Variants in ATRNL1 observed in about 807,000 individuals in gnomAD.
The protein encoded by ATRNL1 is attractin like 1.
Under a neutral mutation model 182.7 loss-of-function variants are expected in ATRNL1, and 95 were observed. The ratio of observed to expected loss-of-function variants is 0.52; its 90% CI spans 0.44 to 0.62. The LOEUF is 0.62. Among genes scored for constraint, ATRNL1 ranks in the 20% least tolerant of loss-of-function variants. ATRNL1 has a pLI of 0.00. For synonymous variants in ATRNL1, 576 were observed against 568.3 expected, an observed-to-expected ratio of 1.01 and a Z score of -0.19; for missense variants, 1,471 against 1,679.5, an observed-to-expected ratio of 0.88 and a Z score of 2.17.
chr10:115,221,720 A>T (rs1554897495), intron 9 of ATRNL1, among the ~76,000 whole-genome samples: 1 of 152,160 alleles, frequency 6.6e-6, no homozygotes, highest in Non-Finnish European at 1.5e-5. Context: ...TGTGCCAAGG[A>T]AGAGGAGCCT....
At chr10:115,821,959 C>T in intron 27 of ATRNL1, among the ~76,000 whole-genome samples, 1 of 152,138 alleles carries the variant, frequency 6.6e-6, no homozygotes, top group Admixed American at 6.5e-5. Context: ...CTCTCCACCC[C>T]AAATCAACAG....
chr10:115,152,926 AG>A (rs1474495172), intron 5 of ATRNL1, among the ~76,000 whole-genome samples: 13 of 152,078 alleles, frequency 8.5e-5, no homozygotes, highest in African/African-American at 3.1e-4. Flanking sequence ...TTTAGCATGA[AG>A]GGCTGTTGAA....
chr10:115,612,613 G>T (rs1022185143), intron 26 of ATRNL1, among the ~76,000 whole-genome samples: 2 of 152,188 alleles, frequency 1.3e-5, no homozygotes, highest in African/African-American at 4.8e-5. Context: ...TGTGGAGACA[G>T]TATGTCAGGC....
intron 24 of ATRNL1, among the ~76,000 whole-genome samples, chr10:115,490,109 G>T (rs745813407): frequency 2.7e-4 from 41 of 152,236 alleles, no homozygotes; most frequent in Middle Eastern, 3.4e-3. Context: ...AGTCTGATGG[G>T]CTTCCCTTTG....
At chr10:115,240,967 C>G (rs1366898979) in intron 9 of ATRNL1, among the ~76,000 whole-genome samples, 1 of 151,950 alleles carries the variant, frequency 6.6e-6, no homozygotes, top group Non-Finnish European at 1.5e-5. Context: ...ATAGACTCCA[C>G]TTAGGTAAGG....
chr10:115,643,330 T>C (rs1425590373), intron 26 of ATRNL1, among the ~76,000 whole-genome samples: 1 of 151,952 alleles, frequency 6.6e-6, no homozygotes, highest in Non-Finnish European at 1.5e-5. Flanking sequence ...AAAAATTAAC[T>C]CAAAATTGAT....
chr10:115,254,376 C>T lies in ATRNL1; in HGVS notation c.1688-10817C>T, dbSNP rs1346699258. Reference sequence around the variant, plus strand: ...CACTGTGGTTTTGATTTGTATTTCTCTGATGACCAGTGATGATGAGCATTT... The same window carrying T: ...CACTGTGGTTTTGATTTGTATTTCTTTGATGACCAGTGATGATGAGCATTT... On this transcript the variant is annotated intron_variant, in intron 10 of 28. Coordinates refer to ENST00000355044, the MANE Select transcript of ATRNL1 (RefSeq NM_207303.4). Among the ~76,000 whole-genome samples the T allele has an allele frequency of 3.3e-5, 5 of 152,348 alleles. No homozygotes were observed. In the East Asian group the frequency reaches 7.7e-4, roughly 24 times the overall value.
intron 27 of ATRNL1, among the ~76,000 whole-genome samples, chr10:115,802,032 A>ACACACACACACACACACC: frequency 1.5e-5 from 1 of 67,844 alleles, no homozygotes; most frequent in African/African-American, 4.5e-5. Flanking sequence ...ACACACACAC[A>ACACACACACACACACACC]CACACACACA....
At chr10:115,186,591 A>C (rs1847950296) in intron 8 of ATRNL1, among the ~76,000 whole-genome samples, 2 of 152,148 alleles carry the variant, frequency 1.3e-5, no homozygotes, top group Non-Finnish European at 2.9e-5. Flanking sequence ...AAGTGAAATA[A>C]GCCAGGCACA....
chr10:115,218,676 C>T (rs569752700), intron 9 of ATRNL1, among the ~76,000 whole-genome samples: 1 of 152,118 alleles, frequency 6.6e-6, no homozygotes, highest in Non-Finnish European at 1.5e-5. Flanking sequence ...CTTGTCGCCC[C>T]CATAATTCCA....
intron 26 of ATRNL1, among the ~76,000 whole-genome samples, chr10:115,637,354 A>G (rs1284094623): frequency 6.6e-6 from 1 of 152,156 alleles, no homozygotes; most frequent in Non-Finnish European, 1.5e-5. Context: ...CAGTGATACT[A>G]CTTAACCTGA....
At chr10:115,885,065 A>G (rs372749649) in intron 28 of ATRNL1, among the ~76,000 whole-genome samples, 2 of 152,230 alleles carry the variant, frequency 1.3e-5, no homozygotes, top group Admixed American at 6.5e-5. Context: ...AGAAATTACC[A>G]GGTACTTATC....
chr10:115,890,083 T>C (rs1555110762), intron 28 of ATRNL1, among the ~76,000 whole-genome samples: 1 of 152,234 alleles, frequency 6.6e-6, no homozygotes, highest in African/African-American at 2.4e-5. Flanking sequence ...GACTAGCTTT[T>C]GGCTTTATGC....
intron 27 of ATRNL1, among the ~76,000 whole-genome samples, chr10:115,730,522 A>G (rs1947764509): frequency 1.3e-5 from 2 of 152,048 alleles, no homozygotes; most frequent in South Asian, 4.1e-4. Flanking sequence ...CAGTGTTCAT[A>G]CATTTTTCTC....
chr10:115,882,715 T>G (rs7098728), intron 28 of ATRNL1, among the ~76,000 whole-genome samples: 9,760 of 152,116 alleles, frequency 0.064, 814 homozygotes, highest in African/African-American at 0.19. Flanking sequence ...GGATGAGGAG[T>G]AGAATGGCGT....
At chr10:115,195,200 T>C (rs1481036412) in intron 8 of ATRNL1, among the ~76,000 whole-genome samples, 3 of 152,072 alleles carry the variant, frequency 2.0e-5, no homozygotes, top group Admixed American at 6.6e-5. Context: ...TGCCAGTGAG[T>C]TTTATACCTT....
intron 1 of ATRNL1, among the ~76,000 whole-genome samples, chr10:115,116,762 C>G (rs1186029722): frequency 2.0e-5 from 3 of 151,986 alleles, no homozygotes; most frequent in East Asian, 3.9e-4. Context: ...TTCCAGTGGA[C>G]TGGTATTGGC....
At chr10:115,548,334 C>T (rs1852784518) in intron 25 of ATRNL1, among the ~76,000 whole-genome samples, 1 of 152,196 alleles carries the variant, frequency 6.6e-6, no homozygotes, top group African/African-American at 2.4e-5. Flanking sequence ...AGGTCTTCTG[C>T]TTCAAATGAG....
intron 1 of ATRNL1, among the ~76,000 whole-genome samples, chr10:115,096,100 TAGA>T (rs1299826687): frequency 1.3e-5 from 2 of 152,112 alleles, no homozygotes; most frequent in African/African-American, 2.4e-5. Context: ...CATTAGTGAG[TAGA>T]AGAAGAATAG....
Sources: allele counts gnomAD v4.1 joint callset (sites outside exome capture counted in the v4.1 genomes callset), GRCh38; gene constraint gnomAD v4.1.1; transcripts MANE v1.5; gene names NCBI Gene and HGNC (gene_info 2026-07-23, HGNC 2026-07-21).